TAF1: variants seen among roughly 807,000 people sequenced by gnomAD.
The protein encoded by TAF1 is TATA-box binding protein associated factor 1, also known as transcription initiation factor TFIID subunit 1.
TAF1 carries 2 observed loss-of-function variants against 138.5 expected under a neutral mutation model. The ratio of observed to expected loss-of-function variants is 0.01; its 90% CI spans 0.01 to 0.05. The LOEUF is 0.05. Among genes scored for constraint, TAF1 ranks in the 10% least tolerant of loss-of-function variants. The pLI is 1.00. For missense variants in TAF1, 709 were observed against 1,478.0 expected (o/e 0.48, Z 8.53); for synonymous variants, 437 against 503.2 (o/e 0.87, Z 1.76).
intron 25 of TAF1, among the ~76,000 whole-genome samples, chrX:71,404,555 TCGAACTCC>T (rs1414433345): frequency 9.0e-6 from 1 of 110,896 alleles, no homozygotes; most frequent in Non-Finnish European, 1.9e-5. Flanking sequence ...CAGGCTGGTC[TCGAACTCC>T]CGACCTCAGG....
intron 35 of TAF1, 88 bp from the exon 36 acceptor site, chrX:71,459,464 G>A (rs961155024): frequency 1.8e-6 from 2 of 1,127,542 alleles, no homozygotes; most frequent in African/African-American, 1.9e-5. Context: ...GATGGGCGGG[G>A]CGGGGAGGGG....
intron 35 of TAF1, 77 bp from the exon 36 acceptor site, chrX:71,459,475 G>T (rs2038454163): frequency 8.7e-7 from 1 of 1,155,655 alleles, no homozygotes; most frequent in Non-Finnish European, 1.2e-6. Flanking sequence ...CGGGGAGGGG[G>T]GGTGTGCCTG....
chrX:71,483,740 ATCTC>A lies in TAF1; in HGVS notation c.1366+22975_1366+22978del, dbSNP rs1167670247. On this transcript the variant is annotated intron_variant and NMD_transcript_variant, in intron 13 of 14. Coordinates refer to the TAF1 transcript ENST00000373775. ...TTTTTACACATAATATATTGTGAAC[ATCTC>A]TCTCTCTCTCTCTCTCTCTCTCTCT... 7.7e-3 allele frequency among the ~76,000 whole-genome samples: 480 copies of A among 62,319 alleles called. 3 individuals carry two copies. Among genetic ancestry groups the A allele is most frequent in the Non-Finnish European group, 9.0e-3 (330 of 36,728 alleles). 54.1% of individuals were successfully genotyped at this position (62,319 alleles called of 115,157 possible).
At chrX:71,370,570 G>A (rs1184378132) in intron 3 of TAF1, among the ~76,000 whole-genome samples, 1 of 111,454 alleles carries the variant, frequency 9.0e-6, no homozygotes, top group African/African-American at 3.3e-5. Context: ...GGCTGGTCTC[G>A]AACTCCTGAC....
chrX:71,507,146 A>G (rs1172840215), intron 13 of TAF1, among the ~76,000 whole-genome samples: 2 of 112,022 alleles, frequency 1.8e-5, no homozygotes, highest in South Asian at 3.7e-4. Context: ...AACTATATAG[A>G]GGTGATTATT....
Position 71,382,617 on chromosome X carries a change from G to A in TAF1, c.1619G>A (p.Arg540Gln), listed in dbSNP as rs1252563306. 1 of 1,211,448 alleles carries A rather than the reference G, an allele frequency of 8.3e-7. No homozygotes were observed. The highest frequency in any genetic ancestry group is 1.8e-5 in the South Asian group (1 of 56,932). ...SKKESSLKKS[R>Q]ILLGKTGVIK... ...AAGGAATCATCTCTGAAGAAGAGTC[G>A]AATTCTCTTAGGGAAAACAGGAGTC... is the stretch of plus-strand genomic sequence containing the variant. Residue 540 changes from arginine to glutamine, a missense_variant, in exon 10 of 38, where the codon CGA (arginine) becomes CAA (glutamine). Physicochemically the swap from Arg to Gln is conservative, Grantham distance 43. Transcript: ENST00000423759.
intron 24 of TAF1, among the ~76,000 whole-genome samples, chrX:71,399,240 T>TGTCA (rs1480083054): frequency 2.9e-5 from 3 of 104,620 alleles, no homozygotes; most frequent in African/African-American, 1.1e-4. Flanking sequence ...ATGCCCGGCT[T>TGTCA]GTCATTTATT....
At chrX:71,496,103 T>C (rs2039390049) in intron 13 of TAF1, among the ~76,000 whole-genome samples, 1 of 112,453 alleles carries the variant, frequency 8.9e-6, no homozygotes, top group Admixed American at 9.5e-5. Context: ...ATTTTCCTAA[T>C]TCTGCTTCTA....
chrX:71,379,087 T>A, intron 8 of TAF1, 56 bp downstream of exon 8: 1 of 902,594 alleles, frequency 1.1e-6, no homozygotes, highest in African/African-American at 2.2e-5. Flanking sequence ...TTAGTCACCA[T>A]AAGTGGGCTC....
intron 3 of TAF1, chrX:71,368,795 A>G (rs2032771398): frequency 1.1e-5 from 1 of 87,595 alleles, no homozygotes; most frequent in Non-Finnish European, 2.3e-5. Context: ...CTGGGCAGCA[A>G]GAGTGAGACA....
At chrX:71,425,740 GAGTT>G (rs201608887) in intron 32 of TAF1, among the ~76,000 whole-genome samples, 1,487 of 111,665 alleles carry the variant, frequency 0.013, 10 homozygotes, top group African/African-American at 0.034. Context: ...AATAACCTGA[GAGTT>G]AGGGAAGGCT....
chrX:71,460,828 G>A (rs1483195121), intron 37 of TAF1, 25 bp downstream of exon 37: 9 of 1,171,216 alleles, frequency 7.7e-6, no homozygotes, highest in Non-Finnish European at 1.0e-5. Flanking sequence ...CATGCTACAG[G>A]GCTGTGGCAT....
rs762213128 is a variant in TAF1 at position 71,429,253 on chromosome X, C to T, written c.4753+5015C>T. Among the ~76,000 whole-genome samples, 62 of 108,486 alleles carry T rather than the reference C, an allele frequency of 5.7e-4. 1 individual carries two copies. The highest frequency in any genetic ancestry group is 2.1e-3 in the African/African-American group (62 of 29,574). The allele number at this position is 108,486 out of a possible 115,157, so 94.2% of individuals were successfully genotyped here. On this transcript the variant is annotated intron_variant, in intron 32 of 37. Coordinates refer to ENST00000423759, the MANE Select transcript of TAF1 (RefSeq NM_004606.5). ...TCGCATCACTGCACTCCAGCCTGGGCGACAGAGCAAGACTCTGTCTCAAAA... is the reference window on the plus strand; with the variant it reads ...TCGCATCACTGCACTCCAGCCTGGGTGACAGAGCAAGACTCTGTCTCAAAA...
At chrX:71,451,337 A>T (rs1276183600) in intron 32 of TAF1, among the ~76,000 whole-genome samples, 1 of 112,194 alleles carries the variant, frequency 8.9e-6, no homozygotes, top group Non-Finnish European at 1.9e-5. Context: ...TTCTTGGGTT[A>T]TGATTCAAAG....
rs776601672 is a variant in TAF1, at chrX:71,373,772, C to T, written c.353-1395C>T. Among the ~76,000 whole-genome samples the T allele has an allele frequency of 9.0e-5, 10 of 110,767 alleles. No individual in the cohort carries two copies. In the East Asian group the frequency reaches 2.3e-3, roughly 25 times the overall value. On this transcript the variant is annotated intron_variant, in intron 3 of 37. Transcript: ENST00000423759. The stretch of plus-strand genomic sequence containing the variant: ...GATTCTTGAGAGAGGGAATAGGGAA[C>T]GTATAGGGGAATAAAAGCAGAGTCT...
intron 3 of TAF1, among the ~76,000 whole-genome samples, chrX:71,371,037 C>T (rs1175606539): frequency 9.0e-6 from 1 of 111,479 alleles, no homozygotes; most frequent in Non-Finnish European, 1.9e-5. Context: ...TTTTTGGGCA[C>T]CCTGACTGGG....
At chrX:71,470,852 AAAAT>A (rs1301330727), downstream of TAF1, among the ~76,000 whole-genome samples, 66 of 107,127 alleles carry the variant, frequency 6.2e-4, no homozygotes, top group African/African-American at 2.1e-3. Flanking sequence ...AAAATAAAAT[AAAAT>A]AAATAAAATA....
chrX:71,449,886 C>T (rs752640729), intron 32 of TAF1, among the ~76,000 whole-genome samples: 1 of 111,651 alleles, frequency 9.0e-6, no homozygotes, highest in South Asian at 3.8e-4. Context: ...GATCCCCTCG[C>T]CTCAGTCTCC....
Position 71,375,296 on chromosome X carries a change from G to A in TAF1, c.472+10G>A. On this transcript the variant is annotated intron_variant, in intron 4 of 37. Coordinates refer to ENST00000423759, the MANE Select transcript of TAF1 (RefSeq NM_004606.5). ...GATTCTATTACTGGTGGTAAGTAGA[G>A]ATTGTCTACTTTTGTCTGAGGAGCA... 1 of 1,206,275 alleles carries A rather than the reference G, an allele frequency of 8.3e-7. No individual in the cohort carries two copies. The highest frequency in any genetic ancestry group is 1.1e-6 in the Non-Finnish European group (1 of 893,468).
Sources: allele counts gnomAD v4.1 joint callset (sites outside exome capture counted in the v4.1 genomes callset), GRCh38; gene constraint gnomAD v4.1.1; transcripts MANE v1.5; gene names NCBI Gene and HGNC (gene_info 2026-07-23, HGNC 2026-07-21).